Variants in SYT11 observed in about 807,000 individuals in gnomAD.
SYT11 encodes synaptotagmin 11, also known as synaptotagmin-11.
Under a neutral mutation model 30.4 loss-of-function variants are expected in SYT11, and 12 were observed. That is an observed-to-expected ratio of 0.39 (90% confidence interval 0.25 to 0.64). The LOEUF is 0.64. Ranked by LOEUF, SYT11 falls within the 30% of genes least tolerant of loss-of-function variation. The probability of loss-of-function intolerance (pLI) is 0.45; values close to 1 mark genes in which losing one functional copy is unlikely to be tolerated. For missense variants in SYT11, 412 were observed against 552.0 expected, an observed-to-expected ratio of 0.75 and a Z score of 2.54; for synonymous variants, 204 against 216.0, an observed-to-expected ratio of 0.94 and a Z score of 0.49.
At chr1:155,867,081 G>T (rs1181486061) in intron 1 of SYT11, among the ~76,000 whole-genome samples, 1 of 144,904 alleles carries the variant, frequency 6.9e-6, no homozygotes, top group Admixed American at 7.0e-5. Flanking sequence ...TTTTTGAGAC[G>T]AAGTCTTGCT....
Position 155,868,899 on chromosome 1 carries a change from T to G in SYT11, c.861+108T>G. 9.5e-7 allele frequency: 1 copy of G among 1,053,906 alleles called. No individual in the cohort carries two copies. Among genetic ancestry groups the G allele is most frequent in the Admixed American group, 2.5e-5 (1 of 39,846 alleles). 65.3% of individuals were successfully genotyped at this position (1,053,906 alleles called of 1,614,324 possible). A position where few individuals can be genotyped will look rare whatever the true frequency, so the allele number is the denominator to read the frequency against. ...TGGGTTGGGTGGCAAAGAAGGGCTGTAGAGAGGAAGCTCTTGGATGTCAAG... is the reference window on the plus strand; with the variant it reads ...TGGGTTGGGTGGCAAAGAAGGGCTGGAGAGAGGAAGCTCTTGGATGTCAAG... On this transcript the variant is annotated intron_variant, in intron 2 of 3. Transcript: ENST00000368324. The surrounding 1 kb of genome is among the most constrained non-coding windows in gnomAD (Gnocchi z 4.7).
chr1:155,877,082 C>T (rs1672875077), intron 2 of SYT11, among the ~76,000 whole-genome samples: 1 of 151,756 alleles, frequency 6.6e-6, no homozygotes, highest in Admixed American at 6.6e-5. Context: ...ATTCTCCTGC[C>T]TCAGCCTCCT....
intron 2 of SYT11, among the ~76,000 whole-genome samples, chr1:155,879,964 C>T (rs1034076306): frequency 2.6e-5 from 4 of 152,180 alleles, no homozygotes; most frequent in Non-Finnish European, 4.4e-5. Flanking sequence ...GAGGCTGAGG[C>T]GGGAGGATCA....
intron 1 of SYT11, among the ~76,000 whole-genome samples, chr1:155,865,665 G>A (rs1672660986): frequency 6.6e-6 from 1 of 151,850 alleles, no homozygotes; most frequent in Admixed American, 6.6e-5. Context: ...AAAGAATCGG[G>A]GAAATGCTGG....
chr1:155,861,770 C>T (rs1289282239), intron 1 of SYT11, among the ~76,000 whole-genome samples: 1 of 152,164 alleles, frequency 6.6e-6, no homozygotes, highest in Non-Finnish European at 1.5e-5. Flanking sequence ...AGACAAGTGC[C>T]ACCACACCCA....
intron 2 of SYT11, among the ~76,000 whole-genome samples, chr1:155,878,341 C>T (rs1307489851): frequency 1.3e-5 from 2 of 152,198 alleles, no homozygotes; most frequent in Non-Finnish European, 2.9e-5. Context: ...GCCCTTTACT[C>T]TAGCCTTGCC....
rs1672517320 is a variant in SYT11 at position 155,859,741 on chromosome 1, G to A, written c.-21G>A. 2 of 1,613,890 alleles carry A rather than the reference G, an allele frequency of 1.2e-6. No homozygotes were observed. Among genetic ancestry groups the A allele is most frequent in the Non-Finnish European group, 1.7e-6 (2 of 1,179,748 alleles). ...GTCTCACCATTGCAAAAACGTTATA[G>A]CAACAGCCTCTGATTACGACATGGC... On this transcript the variant is annotated 5_prime_UTR_variant, in exon 1 of 4. Coordinates refer to ENST00000368324, the MANE Select transcript of SYT11 (RefSeq NM_152280.5).
At chr1:155,879,608 G>T (rs1467749389) in intron 2 of SYT11, among the ~76,000 whole-genome samples, 1 of 152,176 alleles carries the variant, frequency 6.6e-6, no homozygotes, top group African/African-American at 2.4e-5. Flanking sequence ...TGCAGGGACA[G>T]GTTCAGGGAC....
At chr1:155,863,025 C>T (rs1228993242) in intron 1 of SYT11, among the ~76,000 whole-genome samples, 1 of 152,190 alleles carries the variant, frequency 6.6e-6, no homozygotes, top group African/African-American at 2.4e-5. Flanking sequence ...CCAAGGCTGT[C>T]TCCATTTTGT....
At chr1:155,872,610 C>G (rs1032904506) in intron 2 of SYT11, among the ~76,000 whole-genome samples, 1 of 152,162 alleles carries the variant, frequency 6.6e-6, no homozygotes, top group South Asian at 2.1e-4. Flanking sequence ...CTTCTGCTTG[C>G]CTGCCCCCCA....
At chr1:155,877,394 G>A (rs1164248091) in intron 2 of SYT11, among the ~76,000 whole-genome samples, 1 of 151,952 alleles carries the variant, frequency 6.6e-6, no homozygotes, top group African/African-American at 2.4e-5. Context: ...GTGAGCCACT[G>A]CGCCCAGCCA....
intron 1 of SYT11, among the ~76,000 whole-genome samples, chr1:155,862,935 T>C (rs1348609315): frequency 6.6e-6 from 1 of 152,202 alleles, no homozygotes; most frequent in Non-Finnish European, 1.5e-5. Flanking sequence ...TTTACTGAAC[T>C]CCTATTAGAA....
At position 155,859,691 on chromosome 1, in the gene SYT11, G is replaced by C; in HGVS notation, c.-71G>C. On this transcript the variant is annotated 5_prime_UTR_variant, in exon 1 of 4. Transcript: ENST00000368324. ...CTAGAGCTCTACAGCTGCTGCCTCG[G>C]TACTGACCGAGGGTTCCCAGAGCTG... 1 of 1,471,636 alleles carries C rather than the reference G, an allele frequency of 6.8e-7. No individual in the cohort carries two copies. The highest frequency in any genetic ancestry group is 9.5e-7 in the Non-Finnish European group (1 of 1,050,452). The allele number at this position is 1,471,636 out of a possible 1,614,324, so 91.2% of individuals were successfully genotyped here.
chr1:155,859,670 A>C lies in SYT11; in HGVS notation c.-92A>C, dbSNP rs984444200. ...ATACCTTCCCCCTTCCCTGACCTAG[A>C]GCTCTACAGCTGCTGCCTCGGTACT... is the stretch of plus-strand genomic sequence containing the variant. On this transcript the variant is annotated 5_prime_UTR_variant, in exon 1 of 4. Coordinates refer to ENST00000368324, the MANE Select transcript of SYT11 (RefSeq NM_152280.5). 2 of 1,262,274 alleles carry C rather than the reference A, an allele frequency of 1.6e-6. No homozygotes were observed. The highest frequency in any genetic ancestry group is 1.5e-5 in the African/African-American group (1 of 67,794). 78.2% of individuals were successfully genotyped at this position (1,262,274 alleles called of 1,614,324 possible). A position where few individuals can be genotyped will look rare whatever the true frequency, so the allele number is the denominator to read the frequency against.
intron 2 of SYT11, among the ~76,000 whole-genome samples, chr1:155,872,675 C>G (rs980240877): frequency 3.9e-5 from 6 of 152,146 alleles, no homozygotes; most frequent in Non-Finnish European, 7.3e-5. Flanking sequence ...TTGCTCACAG[C>G]CTTCAATGGC....
At chr1:155,869,380 C>T (rs1314643068) in intron 2 of SYT11, among the ~76,000 whole-genome samples, 2 of 146,874 alleles carry the variant, frequency 1.4e-5, no homozygotes, top group South Asian at 2.2e-4. Context: ...AAGCTATTCT[C>T]CTGCCTCAGC....
At position 155,881,333 on chromosome 1, in the gene SYT11, A is replaced by G; in HGVS notation, c.1121A>G (p.Asp374Gly). ...GACATCCCCACTGACCTCCTGCCTG[A>G]TATCAGCATCGAGTTCCTCGTTATC... The part of the protein sequence containing the change: ...IYDIPTDLLP[D>G]ISIEFLVIDF... Residue 374 changes from aspartate to glycine, a missense_variant, in exon 4 of 4, where the codon GAT becomes GGT. Asp to Gly is a moderately conservative substitution (Grantham distance 94). Transcript: ENST00000368324. 2 of 1,614,186 alleles carry G rather than the reference A, an allele frequency of 1.2e-6. No homozygotes were observed. The highest frequency in any genetic ancestry group is 1.7e-6 in the Non-Finnish European group (2 of 1,180,044).
chr1:155,871,313 G>A (rs1031259778), intron 2 of SYT11, among the ~76,000 whole-genome samples: 6 of 152,014 alleles, frequency 3.9e-5, no homozygotes, highest in South Asian at 2.1e-4. Flanking sequence ...TGCTGTTTCC[G>A]TATTCCCTTC....
rs766070777 is a variant in SYT11, at chr1:155,880,640, A to G, written c.985+17A>G. 1.7e-5 allele frequency: 28 copies of G among 1,613,104 alleles called. No individual in the cohort carries two copies. The highest frequency in any genetic ancestry group is 2.3e-5 in the Non-Finnish European group (27 of 1,179,490). On this transcript the variant is annotated intron_variant, in intron 3 of 3. Transcript: ENST00000368324. ...TCTCAGGTAGCAGCTATTTACTTCA[A>G]CCTATTTCTTACTGTCTGAACCATC...
Sources: gnomAD v4.1 joint callset for allele counts (sites outside exome capture counted in the v4.1 genomes callset) on GRCh38, gnomAD v4.1.1 for gene constraint, Gnocchi (gnomAD v3.1) non-coding constraint, MANE v1.5 for transcripts, NCBI Gene and HGNC (gene_info 2026-07-23, HGNC 2026-07-21) for gene names.